KIAA1217: variants seen among roughly 807,000 people sequenced by gnomAD.
The protein encoded by KIAA1217 is KIAA1217.
In KIAA1217, 88 loss-of-function variants were observed where a neutral mutation model predicts 163.9. The ratio of observed to expected loss-of-function variants is 0.54; its 90% CI spans 0.45 to 0.64. The LOEUF (loss-of-function observed/expected upper bound fraction) is 0.64, where lower values mean the gene tolerates loss of function less well. Among genes scored for constraint, KIAA1217 ranks in the 30% least tolerant of loss-of-function variants. KIAA1217 has a pLI of 0.00. For missense variants in KIAA1217, 2,372 were observed against 2,475.0 expected, an observed-to-expected ratio of 0.96 and a Z score of 0.88; for synonymous variants, 903 against 923.1, an observed-to-expected ratio of 0.98 and a Z score of 0.39.
chr10:23,871,752 C>A (rs750927525), intron 1 of KIAA1217, among the ~76,000 whole-genome samples: 1 of 152,100 alleles, frequency 6.6e-6, no homozygotes, highest in Non-Finnish European at 1.5e-5. Context: ...AAGACTCTAA[C>A]TGTAACCTCA....
At chr10:24,403,338 G>A (rs1253248776) in intron 3 of KIAA1217, among the ~76,000 whole-genome samples, 3 of 152,034 alleles carry the variant, frequency 2.0e-5, no homozygotes, top group South Asian at 2.1e-4. Flanking sequence ...ACCCGGGTTC[G>A]AGCAATTCTT....
At chr10:23,926,536 C>T (rs1307715390) in intron 1 of KIAA1217, among the ~76,000 whole-genome samples, 1 of 152,038 alleles carries the variant, frequency 6.6e-6, no homozygotes, top group Non-Finnish European at 1.5e-5. Context: ...ACCAGCCTGA[C>T]CAACATGGTG....
intron 1 of KIAA1217, among the ~76,000 whole-genome samples, chr10:23,716,116 G>C (rs780960960): frequency 7.9e-5 from 12 of 152,042 alleles, no homozygotes; most frequent in African/African-American, 2.7e-4. Context: ...AGAGATTTAC[G>C]TACATACTTC....
At chr10:23,700,462 C>T (rs1588622008) in intron 1 of KIAA1217, among the ~76,000 whole-genome samples, 1 of 152,004 alleles carries the variant, frequency 6.6e-6, no homozygotes. Context: ...AATGTGACTC[C>T]TCTGCTTAAA....
rs75015354 is a variant in KIAA1217 at position 24,447,726 on chromosome 10, G to A, written c.846+9247G>A. 9.2e-5 allele frequency among the ~76,000 whole-genome samples: 14 copies of A among 152,296 alleles called. No homozygotes were observed. In the East Asian group the frequency reaches 1.3e-3, roughly 15 times the overall value. On this transcript the variant is annotated intron_variant, in intron 5 of 20. Coordinates refer to ENST00000376454, the MANE Select transcript of KIAA1217 (RefSeq NM_019590.5). ...GCGATACAGTGATTTGTAAAGGTACGTGTTTGAGGCTTATAGCACATTACC... is the reference window on the plus strand; with the variant it reads ...GCGATACAGTGATTTGTAAAGGTACATGTTTGAGGCTTATAGCACATTACC...
At chr10:24,287,964 G>A (rs1590629520) in intron 2 of KIAA1217, among the ~76,000 whole-genome samples, 1 of 152,196 alleles carries the variant, frequency 6.6e-6, no homozygotes, top group East Asian at 1.9e-4. Context: ...AGACATGTGA[G>A]TTTGGAAGGG....
At chr10:24,503,001 A>C (rs575052684) in intron 9 of KIAA1217, among the ~76,000 whole-genome samples, 1 of 152,172 alleles carries the variant, frequency 6.6e-6, no homozygotes, top group South Asian at 2.1e-4. Context: ...AAACAAGATA[A>C]ATGTATCCAG....
At chr10:24,133,128 A>G (rs900944357) in intron 2 of KIAA1217, among the ~76,000 whole-genome samples, 4 of 152,046 alleles carry the variant, frequency 2.6e-5, no homozygotes, top group Non-Finnish European at 4.4e-5. Context: ...CTAGATCCCT[A>G]GGGGCTGAGA....
chr10:23,866,942 G>T (rs1175158786), intron 1 of KIAA1217, among the ~76,000 whole-genome samples: 3 of 151,014 alleles, frequency 2.0e-5, no homozygotes, highest in Non-Finnish European at 2.9e-5. Flanking sequence ...CTGGTGTGCT[G>T]CACCCATTAA....
chr10:23,740,930 AAAC>A (rs1366712652), intron 1 of KIAA1217, among the ~76,000 whole-genome samples: 4 of 152,288 alleles, frequency 2.6e-5, no homozygotes, highest in East Asian at 1.9e-4. Context: ...TCTGTCTCAA[AAAC>A]AACAACAACA....
intron 2 of KIAA1217, among the ~76,000 whole-genome samples, chr10:24,063,731 T>C (rs4364961): frequency 0.76 from 115,546 of 152,078 alleles, 45,127 homozygotes; most frequent in African/African-American, 0.92. Context: ...TTACCTTGGG[T>C]AGTATGGCCA....
chr10:23,740,979 G>A (rs1287809716), intron 1 of KIAA1217, among the ~76,000 whole-genome samples: 3 of 152,084 alleles, frequency 2.0e-5, no homozygotes, highest in African/African-American at 7.2e-5. Context: ...TTTTATGCTT[G>A]GGATAAAGCA....
At chr10:24,255,635 C>T (rs529791831) in intron 2 of KIAA1217, 8 of 427,584 alleles carry the variant, frequency 1.9e-5, no homozygotes, top group East Asian at 1.5e-4. Context: ...CCCTGCCCCC[C>T]CTGGGGTCCC....
chr10:24,167,349 C>T (rs1005627836), intron 2 of KIAA1217, among the ~76,000 whole-genome samples: 21 of 151,006 alleles, frequency 1.4e-4, no homozygotes, highest in African/African-American at 5.1e-4. Flanking sequence ...TGAAGCAAAC[C>T]AATGCCCTAT....
intron 2 of KIAA1217, among the ~76,000 whole-genome samples, chr10:24,244,331 C>T (rs1485404623): frequency 6.6e-6 from 1 of 152,078 alleles, no homozygotes; most frequent in Non-Finnish European, 1.5e-5. Flanking sequence ...ACAGCTGAGG[C>T]CCTTTTCATC....
chr10:24,448,055 C>A (rs1021282188), intron 5 of KIAA1217, among the ~76,000 whole-genome samples: 2 of 151,810 alleles, frequency 1.3e-5, no homozygotes, highest in South Asian at 2.1e-4. Context: ...ACTTGAACCC[C>A]GGAGGCAGAG....
chr10:23,721,296 A>C (rs2130763656), intron 1 of KIAA1217, among the ~76,000 whole-genome samples: 1 of 152,160 alleles, frequency 6.6e-6, no homozygotes, highest in East Asian at 1.9e-4. Flanking sequence ...CATATTTTGG[A>C]AAGTGATTTA....
rs1053704592 is a variant in KIAA1217 at position 23,695,986 on chromosome 10, C to T, written c.-321+752C>T. 6.6e-6 allele frequency among the ~76,000 whole-genome samples: 1 copy of T among 152,236 alleles called. No individual in the cohort carries two copies. The highest frequency in any genetic ancestry group is 1.5e-5 in the Non-Finnish European group (1 of 68,042). On this transcript the variant is annotated intron_variant, in intron 1 of 18. Coordinates refer to the KIAA1217 transcript ENST00000376462. The surrounding 1 kb of genome is among the most constrained non-coding windows in gnomAD (Gnocchi z 4.9). Reference sequence around the variant, plus strand: ...CTGGCTGCCCTCCCCGCTCGCCGCTCTCCCCGCGCCGCTGCGGGTCCTCCG... The same window carrying T: ...CTGGCTGCCCTCCCCGCTCGCCGCTTTCCCCGCGCCGCTGCGGGTCCTCCG...
At chr10:23,919,585 G>A (rs933618364) in intron 1 of KIAA1217, among the ~76,000 whole-genome samples, 2 of 128,198 alleles carry the variant, frequency 1.6e-5, no homozygotes, top group African/African-American at 2.9e-5. Context: ...CAGCCTGGGC[G>A]ACAAAGCAAG....
Sources: allele counts gnomAD v4.1 joint callset (sites outside exome capture counted in the v4.1 genomes callset), GRCh38; gene constraint gnomAD v4.1.1; non-coding constraint Gnocchi (gnomAD v3.1); transcripts MANE v1.5; gene names NCBI Gene and HGNC (gene_info 2026-07-23, HGNC 2026-07-21).